SGCZ: variants seen among roughly 807,000 people sequenced by gnomAD.
SGCZ encodes sarcoglycan zeta, also known as zeta-sarcoglycan.
A neutral mutation model predicts 41.3 loss-of-function variants in SGCZ; 40 were observed. The ratio of observed to expected loss-of-function variants is 0.97; its 90% CI spans 0.75 to 1.26. The LOEUF (loss-of-function observed/expected upper bound fraction) is 1.26, where lower values mean the gene tolerates loss of function less well. SGCZ is among the 50% of genes most tolerant of loss of function. The pLI, the probability that SGCZ is intolerant of heterozygous loss-of-function variation, is 0.00. For missense variants in SGCZ, 552 were observed against 369.8 expected, an observed-to-expected ratio of 1.49 and a Z score of -4.04; for synonymous variants, 206 against 137.5, an observed-to-expected ratio of 1.50 and a Z score of -3.49.
At chr8:14,686,234 G>C (rs965383416) in intron 1 of SGCZ, among the ~76,000 whole-genome samples, 2 of 152,002 alleles carry the variant, frequency 1.3e-5, no homozygotes, top group Non-Finnish European at 2.9e-5. Context: ...GCTTCACCCT[G>C]ATCAGGTTAT....
At chr8:14,348,975 C>A (rs184146481) in intron 2 of SGCZ, among the ~76,000 whole-genome samples, 5 of 151,942 alleles carry the variant, frequency 3.3e-5, no homozygotes, top group Non-Finnish European at 7.4e-5. Context: ...TACTGTGTTA[C>A]GTAAATATAT....
chr8:14,966,146 A>G (rs78862428), intron 1 of SGCZ, among the ~76,000 whole-genome samples: 11,301 of 152,020 alleles, frequency 0.074, 614 homozygotes, highest in African/African-American at 0.14. Context: ...TAAATTAGGA[A>G]ATAAAAAATA....
chr8:14,973,590 A>T (rs780579603), intron 1 of SGCZ, among the ~76,000 whole-genome samples: 1 of 152,204 alleles, frequency 6.6e-6, no homozygotes, highest in Non-Finnish European at 1.5e-5. Flanking sequence ...TAAATACTTA[A>T]GTATTGACAT....
chr8:15,178,181 C>A (rs1006097695), intron 1 of SGCZ, among the ~76,000 whole-genome samples: 1 of 152,114 alleles, frequency 6.6e-6, no homozygotes, highest in Non-Finnish European at 1.5e-5. Context: ...CCCTACAACA[C>A]CCTCCACAAC....
At chr8:14,572,110 A>G (rs1244803153) in intron 1 of SGCZ, among the ~76,000 whole-genome samples, 1 of 152,224 alleles carries the variant, frequency 6.6e-6, no homozygotes, top group Non-Finnish European at 1.5e-5. Flanking sequence ...TTTTCATGAT[A>G]CAGCATTAAG....
At chr8:14,975,592 A>G (rs1220619389) in intron 1 of SGCZ, among the ~76,000 whole-genome samples, 1 of 152,064 alleles carries the variant, frequency 6.6e-6, no homozygotes, top group Non-Finnish European at 1.5e-5. Context: ...TTCAGCTTCC[A>G]CTGACAGATA....
At chr8:14,306,531 T>G (rs1345847625) in intron 3 of SGCZ, among the ~76,000 whole-genome samples, 1 of 152,172 alleles carries the variant, frequency 6.6e-6, no homozygotes, top group African/African-American at 2.4e-5. Flanking sequence ...AGGAGTATTT[T>G]GATTCTACTT....
At chr8:14,749,414 G>C (rs549456710) in intron 1 of SGCZ, among the ~76,000 whole-genome samples, 2 of 152,188 alleles carry the variant, frequency 1.3e-5, no homozygotes, top group Non-Finnish European at 2.9e-5. Flanking sequence ...ACTGATGTGT[G>C]TGGGGATGCG....
chr8:14,956,285 G>A (rs1477336767), intron 1 of SGCZ, among the ~76,000 whole-genome samples: 1 of 151,922 alleles, frequency 6.6e-6, no homozygotes, highest in African/African-American at 2.4e-5. Flanking sequence ...TGATCCGCCT[G>A]CTTCAGCCTC....
chr8:14,765,237 C>A (rs960477064), intron 1 of SGCZ, among the ~76,000 whole-genome samples: 1 of 152,134 alleles, frequency 6.6e-6, no homozygotes, highest in African/African-American at 2.4e-5. Flanking sequence ...CAATAACCAT[C>A]CTAGACTCAT....
chr8:14,793,621 T>G (rs1801030975), intron 1 of SGCZ, among the ~76,000 whole-genome samples: 1 of 152,110 alleles, frequency 6.6e-6, no homozygotes, highest in Admixed American at 6.6e-5. Flanking sequence ...CCTCAAAATG[T>G]CTGAGATTTG....
At chr8:14,105,971 T>C (rs1451270938) in intron 6 of SGCZ, among the ~76,000 whole-genome samples, 1 of 152,162 alleles carries the variant, frequency 6.6e-6, no homozygotes. Context: ...TTTAAGTTTA[T>C]TGAATAAATT....
chr8:14,840,920 A>G (rs1050440272), intron 1 of SGCZ, among the ~76,000 whole-genome samples: 16 of 151,920 alleles, frequency 1.1e-4, no homozygotes, highest in African/African-American at 2.4e-5. Context: ...TTATTTTGGG[A>G]CTCTACTATA....
At chr8:15,060,126 C>T (rs1804864894) in intron 1 of SGCZ, among the ~76,000 whole-genome samples, 1 of 152,068 alleles carries the variant, frequency 6.6e-6, no homozygotes, top group Non-Finnish European at 1.5e-5. Context: ...CCTCAGGGAT[C>T]TAGAACTAGA....
intron 1 of SGCZ, among the ~76,000 whole-genome samples, chr8:14,764,284 C>T (rs1799975107): frequency 6.6e-6 from 1 of 152,046 alleles, no homozygotes; most frequent in Admixed American, 6.6e-5. Flanking sequence ...AGACAAAAAC[C>T]CTAATAGATT....
At chr8:14,416,780 G>A (rs1333579007) in intron 2 of SGCZ, among the ~76,000 whole-genome samples, 1 of 151,728 alleles carries the variant, frequency 6.6e-6, no homozygotes, top group Admixed American at 6.6e-5. Context: ...GTCTGCCTGG[G>A]ACTCAATTTA....
chr8:14,999,941 G>A (rs10088171), intron 1 of SGCZ, among the ~76,000 whole-genome samples: 9,801 of 152,020 alleles, frequency 0.064, 740 homozygotes, highest in African/African-American at 0.18. Context: ...GCCTTCTTCC[G>A]CCTACACCCC....
intron 1 of SGCZ, among the ~76,000 whole-genome samples, chr8:15,050,235 C>T (rs1804463804): frequency 6.6e-6 from 1 of 152,160 alleles, no homozygotes; most frequent in Admixed American, 6.5e-5. Context: ...CATGAGAAAT[C>T]ATGCCTAACT....
chr8:14,171,520 C>CA (rs1804381153), intron 4 of SGCZ, among the ~76,000 whole-genome samples: 1 of 151,898 alleles, frequency 6.6e-6, no homozygotes, highest in Non-Finnish European at 1.5e-5. Context: ...CATGAAATTT[C>CA]AAATTTTTTC....
Sources: allele counts gnomAD v4.1 joint callset (sites outside exome capture counted in the v4.1 genomes callset), GRCh38; gene constraint gnomAD v4.1.1; transcripts MANE v1.5; gene names NCBI Gene and HGNC (gene_info 2026-07-23, HGNC 2026-07-21).